ERP27: variants seen among roughly 807,000 people sequenced by gnomAD.
The protein encoded by ERP27 is endoplasmic reticulum resident protein 27.
A neutral mutation model predicts 27.7 loss-of-function variants in ERP27; 23 were observed. The observed-to-expected ratio is 0.83, with a 90% CI of 0.60 to 1.18. The LOEUF (loss-of-function observed/expected upper bound fraction) is 1.18. Among genes scored for constraint, ERP27 ranks in the 50% most tolerant of loss-of-function variants. ERP27 has a pLI of 0.00. For missense variants in ERP27, 363 were observed against 327.9 expected (o/e 1.11, Z -0.83); for synonymous variants, 159 against 118.3 (o/e 1.34, Z -2.23).
rs1370071758 is a variant in ERP27 at position 14,938,438 on chromosome 12, G to GCAA, written c.68_70dup (p.Val23dup). On this transcript the variant is annotated inframe_insertion, in exon 1 of 7. Transcript: ENST00000266397. ...ACCTGAGGATTTCTCAACTTCTGCAGCAACTTCTGCAGCCAGCTCACACGT... is the reference window on the plus strand; with the variant it reads ...ACCTGAGGATTTCTCAACTTCTGCAGCAACAACTTCTGCAGCCAGCTCACACGT... The GCAA allele has an allele frequency of 6.2e-7, 1 of 1,613,964 alleles. No individual in the cohort carries two copies. The highest frequency in any genetic ancestry group is 2.2e-5 in the East Asian group (1 of 44,880).
Position 14,925,925 on chromosome 12 carries a change from C to T in ERP27, c.334-4877G>A, listed in dbSNP as rs1040330773. ...TCTACTGAAAATACAAAAAATTAGC[C>T]GGGCATGGTGGCATGCACCTGTTGT... On this transcript the variant is annotated intron_variant, in intron 3 of 6. Transcript: ENST00000266397. 5.3e-5 allele frequency among the ~76,000 whole-genome samples: 8 copies of T among 152,068 alleles called. No individual in the cohort carries two copies. In the East Asian group the frequency reaches 5.8e-4, roughly 11 times the overall value.
chr12:14,935,528 T>A (rs146030989), intron 2 of ERP27, among the ~76,000 whole-genome samples: 93 of 152,342 alleles, frequency 6.1e-4, no homozygotes, highest in African/African-American at 2.2e-3. Flanking sequence ...AGGAAAAGTA[T>A]GTAAACAACT....
intron 4 of ERP27, among the ~76,000 whole-genome samples, chr12:14,919,365 A>G (rs1010825129): frequency 3.3e-5 from 5 of 152,204 alleles, no homozygotes; most frequent in African/African-American, 1.2e-4. Flanking sequence ...ATAAGAAACC[A>G]GGAAGGTTAG....
rs114063373 is a variant in ERP27 at position 14,935,531 on chromosome 12, A to T, written c.196-538T>A. Among the ~76,000 whole-genome samples, 488 of 152,356 alleles carry T rather than the reference A, an allele frequency of 3.2e-3. 2 individuals are homozygous for T. The highest frequency in any genetic ancestry group is 0.011 in the African/African-American group (447 of 41,580). ...CTCTGGGATTAAAGGAAAAGTATGTAAACAACTAACTATGTAGTGCTACAG... is the reference window on the plus strand; with the variant it reads ...CTCTGGGATTAAAGGAAAAGTATGTTAACAACTAACTATGTAGTGCTACAG... On this transcript the variant is annotated intron_variant, in intron 2 of 6. Coordinates refer to ENST00000266397, the MANE Select transcript of ERP27 (RefSeq NM_152321.4).
intron 4 of ERP27, among the ~76,000 whole-genome samples, chr12:14,917,817 C>A (rs1863436158): frequency 6.6e-6 from 1 of 152,194 alleles, no homozygotes; most frequent in South Asian, 2.1e-4. Context: ...TCCCAAGAGA[C>A]CTCAAACCAG....
In ERP27 at chr12:14,938,024, C is replaced by G; in HGVS notation, c.123G>C (p.Thr41=). Residue 41 remains threonine, a synonymous_variant, in exon 2 of 7, where the codon ACG becomes ACC. Transcript: ENST00000266397. ...SDGPGAAQEP[T]WLTDVPAAME... ...TGGCAGCTGGGACATCTGTGAGCCA[C>G]GTGGGTTCCTGGGCAGCACCAGGAC... 1 of 1,614,070 alleles carries G rather than the reference C, an allele frequency of 6.2e-7. No homozygotes were observed. Among genetic ancestry groups the G allele is most frequent in the Non-Finnish European group, 8.5e-7 (1 of 1,179,966 alleles).
At position 14,914,562 on chromosome 12, in the gene ERP27, G is replaced by C; in HGVS notation, c.*173C>G. ...TTTAAGACAGGAAATGAAGCTCTGT[G>C]TGTGTGTGTGTGTGTGCGTGTGTGT... On this transcript the variant is annotated 3_prime_UTR_variant, in exon 7 of 7. Coordinates refer to ENST00000266397, the MANE Select transcript of ERP27 (RefSeq NM_152321.4). 1 of 500,686 alleles carries C rather than the reference G, an allele frequency of 2.0e-6. No homozygotes were observed. The highest frequency in any genetic ancestry group is 3.4e-6 in the Non-Finnish European group (1 of 294,998). The allele number at this position is 500,686 out of a possible 1,614,324, so 31.0% of individuals were successfully genotyped here.
At chr12:14,919,114 G>A (rs1213689446) in intron 4 of ERP27, among the ~76,000 whole-genome samples, 2 of 152,202 alleles carry the variant, frequency 1.3e-5, no homozygotes, top group Admixed American at 1.3e-4. Flanking sequence ...TTTCTGCCCA[G>A]TTGCTACTGG....
At chr12:14,935,758 T>C (rs1367813496) in intron 2 of ERP27, among the ~76,000 whole-genome samples, 1 of 152,200 alleles carries the variant, frequency 6.6e-6, no homozygotes, top group Non-Finnish European at 1.5e-5. Context: ...CACAGAGTCT[T>C]GCTCTGTCAC....
chr12:14,938,492 G>A lies in ERP27; in HGVS notation c.17C>T (p.Ser6Phe), dbSNP rs935322639. The change falls in exon 1 of 7, where the codon TCC becomes TTC. Residue 6 changes from serine to phenylalanine, a missense_variant. Transcript: ENST00000266397. MEAAP[S>F]RFMFLLFLLT... ...GAGAAATAAGAGGAACATGAACCTGGACGGGGCAGCTTCCATTGTCCCTCT... is the reference window on the plus strand; with the variant it reads ...GAGAAATAAGAGGAACATGAACCTGAACGGGGCAGCTTCCATTGTCCCTCT... 6 of 1,612,650 alleles carry A rather than the reference G, an allele frequency of 3.7e-6. No individual in the cohort carries two copies. The Admixed American group carries it at 6.7e-5, about 18-fold the overall frequency.
At chr12:14,916,809 G>A (rs1863417291) in intron 5 of ERP27, among the ~76,000 whole-genome samples, 1 of 152,030 alleles carries the variant, frequency 6.6e-6, no homozygotes, top group Non-Finnish European at 1.5e-5. Context: ...GTACTTGATA[G>A]GTGTTTTATA....
At chr12:14,931,402 A>G (rs897764367) in intron 3 of ERP27, among the ~76,000 whole-genome samples, 2 of 151,734 alleles carry the variant, frequency 1.3e-5, no homozygotes, top group Non-Finnish European at 2.9e-5. Context: ...CTCTTGAATA[A>G]TGGTCCTATT....
intron 3 of ERP27, among the ~76,000 whole-genome samples, chr12:14,927,013 A>G (rs1210817917): frequency 1.3e-5 from 2 of 151,956 alleles, no homozygotes; most frequent in Admixed American, 1.3e-4. Context: ...TTCACCTTTT[A>G]TTTTTGAAGG....
chr12:14,931,965 G>T (rs556345045), intron 3 of ERP27, among the ~76,000 whole-genome samples: 25 of 152,284 alleles, frequency 1.6e-4, no homozygotes, highest in African/African-American at 2.4e-5. Flanking sequence ...TTTCACAGAA[G>T]AATTTGATTT....
intron 3 of ERP27, 70 bp from the exon 4 acceptor site, chr12:14,921,118 C>A: frequency 3.9e-6 from 5 of 1,280,908 alleles, no homozygotes; most frequent in Non-Finnish European, 4.5e-6. Flanking sequence ...CGTCTTTAGA[C>A]CCCCATGTGA....
intron 5 of ERP27, among the ~76,000 whole-genome samples, chr12:14,916,745 C>T (rs1863416211): frequency 6.6e-6 from 1 of 151,974 alleles, no homozygotes; most frequent in Non-Finnish European, 1.5e-5. Flanking sequence ...CAGAACTCCA[C>T]AAAGGAGGGG....
intron 4 of ERP27, among the ~76,000 whole-genome samples, 200 bp from the exon 5 acceptor site, chr12:14,917,503 T>C (rs762890076): frequency 7.3e-6 from 1 of 136,546 alleles, no homozygotes; most frequent in Non-Finnish European, 1.6e-5. Flanking sequence ...CTTCCCACCC[T>C]GAATGGGGCA....
chr12:14,935,701 C>T (rs1260078766), intron 2 of ERP27, among the ~76,000 whole-genome samples: 1 of 152,086 alleles, frequency 6.6e-6, no homozygotes. Flanking sequence ...ATACAAAGAA[C>T]CTAAAATTGG....
intron 4 of ERP27, among the ~76,000 whole-genome samples, chr12:14,918,550 A>T (rs1206704509): frequency 6.6e-6 from 1 of 150,896 alleles, no homozygotes; most frequent in Non-Finnish European, 1.5e-5. Context: ...CTTCAAACCA[A>T]TCTCATCTCT....
Sources: gnomAD v4.1 joint callset for allele counts (sites outside exome capture counted in the v4.1 genomes callset) on GRCh38, gnomAD v4.1.1 for gene constraint, MANE v1.5 for transcripts, NCBI Gene and HGNC (gene_info 2026-07-23, HGNC 2026-07-21) for gene names.